CORO2B: variants seen among roughly 807,000 people sequenced by gnomAD.
CORO2B encodes the protein coronin-2B.
In CORO2B, 26 loss-of-function variants were observed where a neutral mutation model predicts 58.8. The ratio of observed to expected loss-of-function variants is 0.44; its 90% CI spans 0.32 to 0.61. The LOEUF (loss-of-function observed/expected upper bound fraction) is 0.61, where lower values mean the gene tolerates loss of function less well. CORO2B is among the 20% of genes least tolerant of loss of function. The pLI, the probability that CORO2B is intolerant of heterozygous loss-of-function variation, is 0.04. For missense variants in CORO2B, 460 were observed against 645.1 expected (o/e 0.71, Z 3.11); for synonymous variants, 242 against 253.8 (o/e 0.95, Z 0.44).
chr15:68,632,710 C>T (rs144990444), intron 1 of CORO2B, among the ~76,000 whole-genome samples: 92 of 152,350 alleles, frequency 6.0e-4, no homozygotes, highest in African/African-American at 2.1e-3. Context: ...CGTACCTCAG[C>T]CTCCTGAGTA....
the CORO2B span, among the ~76,000 whole-genome samples, chr15:68,538,964 T>G: frequency 1.3e-5 from 2 of 152,366 alleles, no homozygotes; most frequent in Middle Eastern, 3.4e-3. Context: ...CCGTTAATCC[T>G]TTTACATTTT....
the CORO2B span, among the ~76,000 whole-genome samples, chr15:68,570,334 G>A: frequency 0.7 from 106,016 of 152,142 alleles, 37,187 homozygotes; most frequent in East Asian, 0.87. Flanking sequence ...TTTAGAGCTT[G>A]CACCATCTAT....
intron 1 of CORO2B, among the ~76,000 whole-genome samples, chr15:68,627,043 A>G (rs867344065): frequency 6.6e-6 from 1 of 152,230 alleles, no homozygotes; most frequent in Non-Finnish European, 1.5e-5. Flanking sequence ...GATCCTTAGC[A>G]AGGTACTTAC....
At chr15:68,704,689 G>A (rs8026511) in intron 3 of CORO2B, among the ~76,000 whole-genome samples, 5 of 152,094 alleles carry the variant, frequency 3.3e-5, no homozygotes, top group African/African-American at 1.2e-4. Context: ...ACTAAGAGCC[G>A]TTCCCCCGTA....
chr15:68,619,749 G>A (rs1176491843), intron 1 of CORO2B, among the ~76,000 whole-genome samples: 1 of 150,790 alleles, frequency 6.6e-6, no homozygotes, highest in Non-Finnish European at 1.5e-5. Context: ...ATGAGTGCGT[G>A]CATGCGTGTG....
chr15:68,567,029 G>A, the CORO2B span, among the ~76,000 whole-genome samples: 2 of 152,196 alleles, frequency 1.3e-5, no homozygotes, highest in Admixed American at 6.5e-5. Flanking sequence ...CTGTGCTTCA[G>A]TTTTCTCATC....
intron 2 of CORO2B, among the ~76,000 whole-genome samples, chr15:68,685,725 G>A (rs1902947308): frequency 1.3e-5 from 2 of 151,864 alleles, no homozygotes; most frequent in South Asian, 4.2e-4. Flanking sequence ...CCTGGCTCCT[G>A]CCTCTCAGAT....
the CORO2B span, among the ~76,000 whole-genome samples, chr15:68,535,096 A>G: frequency 6.6e-6 from 1 of 152,182 alleles, no homozygotes; most frequent in Non-Finnish European, 1.5e-5. Context: ...TCACCACCTT[A>G]TTTAGATGTA....
intron 9 of CORO2B, 24 bp downstream of exon 9, chr15:68,718,834 C>G: frequency 7.6e-6 from 12 of 1,586,134 alleles, no homozygotes; most frequent in Non-Finnish European, 1.0e-5. Flanking sequence ...GGCTGGGCTC[C>G]AGGAGGGGGG....
At chr15:68,681,568 A>G (rs141829195) in intron 2 of CORO2B, among the ~76,000 whole-genome samples, 2,828 of 152,254 alleles carry the variant, frequency 0.019, 42 homozygotes, top group Non-Finnish European at 0.025. Flanking sequence ...GAGACATCAC[A>G]TTTAAAATTG....
At chr15:68,669,632 T>C (rs1902317751) in intron 2 of CORO2B, among the ~76,000 whole-genome samples, 1 of 152,050 alleles carries the variant, frequency 6.6e-6, no homozygotes, top group Admixed American at 6.5e-5. Flanking sequence ...GCTGTGAGTT[T>C]CAGGAAAAAA....
intron 1 of CORO2B, chr15:68,632,043 G>A: frequency 1.0e-6 from 1 of 985,446 alleles, no homozygotes; most frequent in South Asian, 4.7e-5. Flanking sequence ...GTGACTAGCA[G>A]CCAGGCCTCC....
the CORO2B span, among the ~76,000 whole-genome samples, chr15:68,558,574 C>T: frequency 1.3e-5 from 2 of 152,110 alleles, no homozygotes; most frequent in South Asian, 2.1e-4. Flanking sequence ...TGAGATCTTA[C>T]GTTGTTGCTC....
In CORO2B at chr15:68,719,139, T is replaced by C. The variant is rs768214435; in HGVS notation, c.1081-5T>C. The C allele has an allele frequency of 5.6e-6, 9 of 1,612,472 alleles. No individual in the cohort carries two copies. The Admixed American group carries it at 1.2e-4, about 21-fold the overall frequency. ...GTGTCCTCTCTTCTGCTCCTCCCAC[T>C]GTAGTCAGATTCCTACCAGGAAGAC... On this transcript the variant is annotated splice_region_variant and splice_polypyrimidine_tract_variant and intron_variant, in intron 9 of 11. Transcript: ENST00000261861.
chr15:68,569,535 C>G, the CORO2B span, among the ~76,000 whole-genome samples: 1 of 152,192 alleles, frequency 6.6e-6, no homozygotes, highest in African/African-American at 2.4e-5. Context: ...TATCTGTTCA[C>G]CTACTGAAGG....
At chr15:68,518,578 G>A in the CORO2B span, among the ~76,000 whole-genome samples, 2 of 151,916 alleles carry the variant, frequency 1.3e-5, no homozygotes, top group Non-Finnish European at 2.9e-5. Flanking sequence ...GCAGCATCCC[G>A]TTTCTGCCTT....
At chr15:68,543,596 G>C in the CORO2B span, among the ~76,000 whole-genome samples, 1 of 152,108 alleles carries the variant, frequency 6.6e-6, no homozygotes, top group Non-Finnish European at 1.5e-5. Flanking sequence ...GGCCAGCAAG[G>C]CCAATTTCCC....
the CORO2B span, among the ~76,000 whole-genome samples, chr15:68,555,508 C>G: frequency 1.3e-5 from 2 of 152,210 alleles, no homozygotes; most frequent in African/African-American, 4.8e-5. Context: ...GGAGAGAAGG[C>G]TGCCTGCTCC....
chr15:68,560,295 T>TC, the CORO2B span, among the ~76,000 whole-genome samples: 4 of 145,798 alleles, frequency 2.7e-5, no homozygotes, highest in African/African-American at 9.9e-5. Flanking sequence ...TTTCTTTCTT[T>TC]ATTTTTTTTT....
Sources: allele counts gnomAD v4.1 joint callset (sites outside exome capture counted in the v4.1 genomes callset), GRCh38; gene constraint gnomAD v4.1.1; transcripts MANE v1.5; gene names NCBI Gene and HGNC (gene_info 2026-07-23, HGNC 2026-07-21).